Variants in LRMDA observed in about 807,000 individuals in gnomAD.
LRMDA encodes leucine rich melanocyte differentiation associated, also known as leucine-rich melanocyte differentiation-associated protein.
Under a neutral mutation model 29.8 loss-of-function variants are expected in LRMDA, and 18 were observed. The ratio of observed to expected loss-of-function variants is 0.60; its 90% confidence interval spans 0.42 to 0.90. The LOEUF (loss-of-function observed/expected upper bound fraction) is 0.90, where lower values mean the gene tolerates loss of function less well. LRMDA is among the 40% of genes least tolerant of loss of function. LRMDA has a pLI of 0.00. For missense variants in LRMDA, 273 were observed against 273.9 expected (o/e 1.00, Z 0.02); for synonymous variants, 125 against 109.4 (o/e 1.14, Z -0.89).
intron 2 of LRMDA, among the ~76,000 whole-genome samples, chr10:75,448,146 G>C (rs1385848821): frequency 6.6e-6 from 1 of 152,186 alleles, no homozygotes. Context: ...GATGATCCCT[G>C]TAACTTGCAA....
intron 2 of LRMDA, among the ~76,000 whole-genome samples, chr10:75,660,254 C>T (rs745790891): frequency 6.6e-6 from 1 of 152,180 alleles, no homozygotes; most frequent in Non-Finnish European, 1.5e-5. Flanking sequence ...TCTATTTTTT[C>T]TTGTTCCCAC....
intron 5 of LRMDA, among the ~76,000 whole-genome samples, chr10:76,137,976 A>C (rs2132145983): frequency 6.6e-6 from 1 of 152,238 alleles, no homozygotes; most frequent in Non-Finnish European, 1.5e-5. Flanking sequence ...AATTAGGAGA[A>C]TGTTTTAGGA....
chr10:75,916,698 C>G (rs1176247862), intron 2 of LRMDA, among the ~76,000 whole-genome samples: 1 of 152,180 alleles, frequency 6.6e-6, no homozygotes, highest in East Asian at 1.9e-4. Context: ...ATGGAAACAC[C>G]TAAAAATCAC....
At chr10:76,000,562 C>A (rs1381343089) in intron 2 of LRMDA, among the ~76,000 whole-genome samples, 1 of 152,172 alleles carries the variant, frequency 6.6e-6, no homozygotes, top group Non-Finnish European at 1.5e-5. Flanking sequence ...TTTGGAGCAG[C>A]CTCATTCAGG....
At chr10:76,040,924 T>C (rs971869457) in intron 3 of LRMDA, among the ~76,000 whole-genome samples, 1 of 152,228 alleles carries the variant, frequency 6.6e-6, no homozygotes, top group African/African-American at 2.4e-5. Flanking sequence ...GTTACACAGC[T>C]GGGCTGTGGC....
At chr10:75,937,627 G>A (rs1336541933) in intron 2 of LRMDA, among the ~76,000 whole-genome samples, 1 of 152,204 alleles carries the variant, frequency 6.6e-6, no homozygotes, top group Non-Finnish European at 1.5e-5. Context: ...TAGAAATGAA[G>A]GGGGGCAGGA....
At chr10:75,888,149 T>C (rs1019392965) in intron 2 of LRMDA, among the ~76,000 whole-genome samples, 4 of 152,182 alleles carry the variant, frequency 2.6e-5, no homozygotes, top group African/African-American at 9.7e-5. Flanking sequence ...AAGAGGCTCC[T>C]GAAGAATATG....
chr10:75,730,623 A>C, intron 2 of LRMDA, among the ~76,000 whole-genome samples: 1 of 152,134 alleles, frequency 6.6e-6, no homozygotes. Flanking sequence ...TCATTGAAGG[A>C]AATTAAGCTG....
intron 2 of LRMDA, among the ~76,000 whole-genome samples, chr10:75,877,133 G>C (rs972015212): frequency 1.3e-5 from 2 of 152,192 alleles, no homozygotes; most frequent in African/African-American, 2.4e-5. Flanking sequence ...CTGTCTGCCT[G>C]AATCTCCAGT....
intron 2 of LRMDA, among the ~76,000 whole-genome samples, chr10:75,571,175 T>C (rs1230685019): frequency 6.6e-6 from 1 of 152,194 alleles, no homozygotes; most frequent in Non-Finnish European, 1.5e-5. Flanking sequence ...CCTTTATCTT[T>C]ATAGTTTGGT....
Position 76,007,021 on chromosome 10 carries a change from T to C in LRMDA, c.132-28987T>C, listed in dbSNP as rs373645054. Among the ~76,000 whole-genome samples, 38 of 48,600 alleles carry C rather than the reference T, an allele frequency of 7.8e-4. 1 individual carries two copies. The highest frequency in any genetic ancestry group is 6.6e-3 in the East Asian group (19 of 2,864). The allele number at this position is 48,600 out of a possible 152,430, so 31.9% of individuals were successfully genotyped here. Reference sequence around the variant, plus strand: ...GTGTGTGTGTGTGTGTGTGTGTGTGTGTGTGTGTGTGCGCGTGTGTGTTTA... The same window carrying C: ...GTGTGTGTGTGTGTGTGTGTGTGTGCGTGTGTGTGTGCGCGTGTGTGTTTA... On this transcript the variant is annotated intron_variant, in intron 2 of 6. Coordinates refer to ENST00000611255, the MANE Select transcript of LRMDA (RefSeq NM_001305581.2).
intron 2 of LRMDA, among the ~76,000 whole-genome samples, chr10:75,651,748 G>T (rs1388145732): frequency 2.0e-5 from 3 of 152,202 alleles, no homozygotes; most frequent in African/African-American, 7.2e-5. Flanking sequence ...TTTATGGGAA[G>T]AGTCTTTTGT....
chr10:76,316,257 A>G (rs1367701583), intron 5 of LRMDA, among the ~76,000 whole-genome samples: 1 of 152,150 alleles, frequency 6.6e-6, no homozygotes, highest in East Asian at 1.9e-4. Context: ...TCCAGGCACC[A>G]CAGCATTCCC....
At chr10:75,618,355 ACTCTCTCTCTCT>A (rs753240055) in intron 2 of LRMDA, among the ~76,000 whole-genome samples, 12,168 of 131,658 alleles carry the variant, frequency 0.092, 743 homozygotes, top group Non-Finnish European at 0.13. Context: ...TCTTTACCAG[ACTCTCTCTCTCT>A]CTCTCTCTCT....
intron 2 of LRMDA, among the ~76,000 whole-genome samples, chr10:75,613,209 C>G (rs546253022): frequency 3.3e-5 from 5 of 152,262 alleles, no homozygotes; most frequent in African/African-American, 7.2e-5. Flanking sequence ...CAATCCCCCC[C>G]ACTTCCTCCT....
chr10:75,994,269 A>G (rs1379658650), intron 2 of LRMDA, among the ~76,000 whole-genome samples: 1 of 152,174 alleles, frequency 6.6e-6, no homozygotes, highest in Admixed American at 6.5e-5. Context: ...TGAGATGCAA[A>G]GCTAGGAATT....
At chr10:75,472,024 GCCAGGTCTCTTTTTACCCA>G (rs1844733475) in intron 2 of LRMDA, among the ~76,000 whole-genome samples, 1 of 152,094 alleles carries the variant, frequency 6.6e-6, no homozygotes, top group African/African-American at 2.4e-5. Context: ...AAAATCATCT[GCCAGGTCTCTTTTTACCCA>G]CCAGTTTGAT....
At chr10:76,428,388 G>T (rs908658601) in intron 6 of LRMDA, among the ~76,000 whole-genome samples, 1 of 151,966 alleles carries the variant, frequency 6.6e-6, no homozygotes, top group Non-Finnish European at 1.5e-5. Context: ...GCCCATCTGT[G>T]GAGATTGACA....
intron 2 of LRMDA, among the ~76,000 whole-genome samples, chr10:75,575,006 G>A (rs1163046420): frequency 6.6e-6 from 1 of 152,186 alleles, no homozygotes; most frequent in East Asian, 1.9e-4. Context: ...TCCAATCATG[G>A]TGGAAGGCAA....
Sources: allele counts gnomAD v4.1 joint callset (sites outside exome capture counted in the v4.1 genomes callset), GRCh38; gene constraint gnomAD v4.1.1; transcripts MANE v1.5; gene names NCBI Gene and HGNC (gene_info 2026-07-23, HGNC 2026-07-21).